ACYP2: variants seen among roughly 807,000 people sequenced by gnomAD.
The protein encoded by ACYP2 is acylphosphatase-2.
Under a neutral mutation model 11.2 loss-of-function variants are expected in ACYP2, and 12 were observed. That is an observed-to-expected ratio of 1.08 (90% confidence interval 0.69 to 1.74). The LOEUF (loss-of-function observed/expected upper bound fraction) is 1.74, where lower values mean the gene tolerates loss of function less well. ACYP2 is among the 40% of genes most tolerant of loss of function. The probability of loss-of-function intolerance (pLI) is 0.00; values close to 1 mark genes in which losing one functional copy is unlikely to be tolerated. For synonymous variants in ACYP2, 43 were observed against 32.2 expected, an observed-to-expected ratio of 1.33 and a Z score of -1.13; for missense variants, 134 against 101.9, an observed-to-expected ratio of 1.31 and a Z score of -1.35.
chr2:54,016,888 G>A (rs1673718015), intron 2 of ACYP2, among the ~76,000 whole-genome samples: 1 of 151,972 alleles, frequency 6.6e-6, no homozygotes, highest in Admixed American at 6.6e-5. Flanking sequence ...ACCACGCCCG[G>A]CTAATTTTTT....
chr2:54,211,032 A>C (rs1258007731), intron 6 of ACYP2, among the ~76,000 whole-genome samples: 1 of 152,216 alleles, frequency 6.6e-6, no homozygotes, highest in African/African-American at 2.4e-5. Flanking sequence ...CTGGCCGTAC[A>C]GATTTCCCTG....
At chr2:54,126,597 CAA>C (rs34045950) in intron 4 of ACYP2, among the ~76,000 whole-genome samples, 2,600 of 109,628 alleles carry the variant, frequency 0.024, 21 homozygotes, top group Non-Finnish European at 0.03. Context: ...GTCAAATTTG[CAA>C]AAAAAAAAAA....
intron 6 of ACYP2, among the ~76,000 whole-genome samples, chr2:54,237,909 C>T (rs1298244482): frequency 6.6e-6 from 1 of 152,154 alleles, no homozygotes; most frequent in Non-Finnish European, 1.5e-5. Flanking sequence ...TGGGCCCCGG[C>T]AACCTATCTG....
intron 6 of ACYP2, among the ~76,000 whole-genome samples, chr2:54,277,295 A>G (rs954034331): frequency 6.6e-5 from 10 of 152,338 alleles, no homozygotes; most frequent in African/African-American, 2.4e-4. Context: ...CCTAGGAGAC[A>G]GCTACTTTTA....
At chr2:54,179,910 C>T (rs569518467) in intron 6 of ACYP2, among the ~76,000 whole-genome samples, 1 of 152,280 alleles carries the variant, frequency 6.6e-6, no homozygotes, top group East Asian at 1.9e-4. Flanking sequence ...ATGCCTCTGA[C>T]AAGATCCCAC....
chr2:54,176,230 G>A (rs2103859026), intron 6 of ACYP2, among the ~76,000 whole-genome samples: 1 of 152,070 alleles, frequency 6.6e-6, no homozygotes, highest in South Asian at 2.1e-4. Context: ...CCAATGAGAT[G>A]TGAATGAAAA....
At chr2:53,987,795 T>C (rs1672105571) in intron 2 of ACYP2, among the ~76,000 whole-genome samples, 2 of 152,216 alleles carry the variant, frequency 1.3e-5, no homozygotes, top group African/African-American at 2.4e-5. Flanking sequence ...TGGTGAAATA[T>C]CTGCTCATGT....
chr2:54,287,619 A>T (rs1056481120), intron 6 of ACYP2, among the ~76,000 whole-genome samples: 2 of 151,972 alleles, frequency 1.3e-5, no homozygotes, highest in Non-Finnish European at 2.9e-5. Flanking sequence ...ACACACACAT[A>T]AAATGTCTGG....
At chr2:54,000,233 A>C (rs1323570480) in intron 2 of ACYP2, among the ~76,000 whole-genome samples, 1 of 152,160 alleles carries the variant, frequency 6.6e-6, no homozygotes, top group Non-Finnish European at 1.5e-5. Flanking sequence ...ATTTAGAAAA[A>C]GCTATTCCCC....
At chr2:54,246,641 A>T (rs79219668) in intron 6 of ACYP2, among the ~76,000 whole-genome samples, 2,191 of 152,188 alleles carry the variant, frequency 0.014, 42 homozygotes, top group African/African-American at 0.05. Context: ...TATTCATCAG[A>T]AATTGTAGTA....
chr2:54,263,912 CA>C, intron 6 of ACYP2, among the ~76,000 whole-genome samples: 1 of 147,832 alleles, frequency 6.8e-6, no homozygotes, highest in Admixed American at 6.7e-5. Flanking sequence ...TCCAAACAAA[CA>C]GTGAGCACAG....
chr2:54,255,216 C>T, intron 6 of ACYP2: 1 of 1,614,216 alleles, frequency 6.2e-7, no homozygotes. Context: ...TGACCTCATA[C>T]ACCTTTACAA....
chr2:54,223,355 C>G (rs1685878167), intron 6 of ACYP2, among the ~76,000 whole-genome samples: 1 of 152,154 alleles, frequency 6.6e-6, no homozygotes, highest in Non-Finnish European at 1.5e-5. Flanking sequence ...AAAAGTCTAT[C>G]TTTAGAATTT....
intron 2 of ACYP2, among the ~76,000 whole-genome samples, chr2:53,982,128 C>T (rs549138395): frequency 2.6e-5 from 4 of 151,994 alleles, no homozygotes; most frequent in South Asian, 4.2e-4. Context: ...ACAAAGAGGA[C>T]GTACACTCTT....
chr2:54,100,856 G>T (rs559855744), intron 4 of ACYP2, among the ~76,000 whole-genome samples: 359 of 152,362 alleles, frequency 2.4e-3, no homozygotes, highest in African/African-American at 8.3e-3. Context: ...GGCTGGAACA[G>T]TCAACTCAAG....
intron 4 of ACYP2, among the ~76,000 whole-genome samples, chr2:54,065,118 A>T (rs1572678842): frequency 7.4e-6 from 1 of 134,682 alleles, no homozygotes; most frequent in East Asian, 2.6e-4. Flanking sequence ...TAAATAAATA[A>T]ATAAATATAG....
chr2:54,104,152 T>C (rs1441760221), intron 4 of ACYP2, among the ~76,000 whole-genome samples: 1 of 152,218 alleles, frequency 6.6e-6, no homozygotes, highest in Non-Finnish European at 1.5e-5. Context: ...TAAGAACATC[T>C]GGCATGTAGA....
Position 53,990,691 on chromosome 2 carries a change from C to T in ACYP2, c.62+16881C>T, listed in dbSNP as rs559004002. Among the ~76,000 whole-genome samples the T allele has an allele frequency of 6.0e-5, 9 of 150,302 alleles. No homozygotes were observed. The South Asian group carries it at 1.5e-3, about 25-fold the overall frequency. On this transcript the variant is annotated intron_variant, in intron 2 of 6. Coordinates refer to ENST00000607452, the MANE Select transcript of ACYP2 (RefSeq NM_001320586.2). Reference sequence around the variant, plus strand: ...AAGAAAAAAAAAGAAAAAGAATCCTCACTTTCAGCAAATTAGCATAAAGCA... The same window carrying T: ...AAGAAAAAAAAAGAAAAAGAATCCTTACTTTCAGCAAATTAGCATAAAGCA...
intron 4 of ACYP2, chr2:54,123,193 C>T (rs184418585): frequency 1.2e-3 from 486 of 394,862 alleles, no homozygotes; most frequent in South Asian, 5.3e-3. Flanking sequence ...ACTAATGATA[C>T]GCCTCCTCAC....
Sources: allele counts gnomAD v4.1 joint callset (sites outside exome capture counted in the v4.1 genomes callset), GRCh38; gene constraint gnomAD v4.1.1; transcripts MANE v1.5; gene names NCBI Gene and HGNC (gene_info 2026-07-23, HGNC 2026-07-21).